AGFG1: variants seen among roughly 807,000 people sequenced by gnomAD.
AGFG1 encodes the protein ArfGAP with FG repeats 1.
Under a neutral mutation model 60.6 loss-of-function variants are expected in AGFG1, and 10 were observed. The observed-to-expected ratio is 0.16, with a 90% CI of 0.10 to 0.28. The LOEUF is 0.28. AGFG1 is among the 10% of genes least tolerant of loss of function. The pLI is 1.00. For synonymous variants in AGFG1, 247 were observed against 242.9 expected (o/e 1.02, Z -0.16); for missense variants, 537 against 676.5 (o/e 0.79, Z 2.29).
chr2:227,497,934 C>T (rs374994281), intron 2 of AGFG1, among the ~76,000 whole-genome samples: 26 of 151,722 alleles, frequency 1.7e-4, no homozygotes, highest in African/African-American at 5.6e-4. Context: ...CAAAAAAATC[C>T]GTGGTTTAGT....
At chr2:227,481,863 C>CT (rs769166509) in intron 1 of AGFG1, among the ~76,000 whole-genome samples, 5,597 of 117,540 alleles carry the variant, frequency 0.048, 311 homozygotes, top group African/African-American at 0.079. Context: ...TTGTCCACTA[C>CT]TTTTTTTTTT....
intron 2 of AGFG1, among the ~76,000 whole-genome samples, chr2:227,494,174 G>A (rs1351847043): frequency 6.6e-6 from 1 of 152,196 alleles, no homozygotes; most frequent in East Asian, 1.9e-4. Context: ...TGAGAGGTGT[G>A]TAGAGGGTGA....
chr2:227,500,436 C>G (rs1029515855), intron 2 of AGFG1, among the ~76,000 whole-genome samples: 1 of 152,146 alleles, frequency 6.6e-6, no homozygotes, highest in East Asian at 1.9e-4. Flanking sequence ...ACCAGCTTGT[C>G]TGCCTGCAGG....
chr2:227,485,044 A>G (rs1014180773), intron 1 of AGFG1, among the ~76,000 whole-genome samples: 2 of 151,738 alleles, frequency 1.3e-5, no homozygotes, highest in Middle Eastern at 3.4e-3. Flanking sequence ...TTATCTGAAG[A>G]TACTGTTATT....
At chr2:227,539,853 T>A (rs1290866673) in intron 10 of AGFG1, among the ~76,000 whole-genome samples, 3 of 152,144 alleles carry the variant, frequency 2.0e-5, no homozygotes, top group African/African-American at 7.2e-5. Context: ...TTGGTTTGTT[T>A]TAGACAGATT....
chr2:227,543,229 G>T (rs558097614), intron 10 of AGFG1, among the ~76,000 whole-genome samples: 1 of 151,688 alleles, frequency 6.6e-6, no homozygotes, highest in Non-Finnish European at 1.5e-5. Flanking sequence ...TGCTTCTCTA[G>T]TTCTTTTAAT....
At chr2:227,499,294 C>T (rs545896886) in intron 2 of AGFG1, among the ~76,000 whole-genome samples, 1 of 151,828 alleles carries the variant, frequency 6.6e-6, no homozygotes, top group South Asian at 2.1e-4. Context: ...CAGGTAATAT[C>T]CACACATCGA....
In AGFG1 at chr2:227,555,021, G is replaced by A. The variant is rs1454822541; in HGVS notation, c.*526G>A. On this transcript the variant is annotated 3_prime_UTR_variant, in exon 13 of 13. Coordinates refer to ENST00000310078, the MANE Select transcript of AGFG1 (RefSeq NM_004504.5). ...CTAAAGAGCTCTTCTATTTATACAT[G>A]CCTAAATTCTTTTAAAATGTAGAGG... 1 of 152,432 alleles carries A rather than the reference G, an allele frequency of 6.6e-6. No homozygotes were observed. Among genetic ancestry groups the A allele is most frequent in the Non-Finnish European group, 1.5e-5 (1 of 67,978 alleles). 9.4% of individuals were successfully genotyped at this position (152,432 alleles called of 1,614,324 possible). A position where few individuals can be genotyped will look rare whatever the true frequency, so the allele number is the denominator to read the frequency against.
intron 2 of AGFG1, among the ~76,000 whole-genome samples, chr2:227,504,562 A>G (rs1486617931): frequency 1.3e-5 from 2 of 152,230 alleles, no homozygotes; most frequent in Non-Finnish European, 2.9e-5. Context: ...TCATATTGTC[A>G]ACTATTAACA....
At chr2:227,548,153 A>G (rs912629296) in intron 10 of AGFG1, among the ~76,000 whole-genome samples, 3 of 151,030 alleles carry the variant, frequency 2.0e-5, no homozygotes, top group Non-Finnish European at 2.9e-5. Flanking sequence ...AAGTAGATCA[A>G]TGATTGCCAG....
At chr2:227,476,650 T>C (rs1690289003) in intron 1 of AGFG1, among the ~76,000 whole-genome samples, 1 of 152,182 alleles carries the variant, frequency 6.6e-6, no homozygotes, top group Non-Finnish European at 1.5e-5. Flanking sequence ...GTTACAAGAA[T>C]TTTAATTTTT....
chr2:227,504,717 A>C lies in AGFG1; in HGVS notation c.261+13077A>C, dbSNP rs540780156. ...TGATTTATTTAGAAGTAGTGGTTTAATTTTTACATATTTGAGGTTTTCCTA... is the reference window on the plus strand; with the variant it reads ...TGATTTATTTAGAAGTAGTGGTTTACTTTTTACATATTTGAGGTTTTCCTA... On this transcript the variant is annotated intron_variant, in intron 2 of 12. Coordinates refer to ENST00000310078, the MANE Select transcript of AGFG1 (RefSeq NM_004504.5). 9.8e-5 allele frequency among the ~76,000 whole-genome samples: 15 copies of C among 152,300 alleles called. No homozygotes were observed. The South Asian group carries it at 1.5e-3, about 15-fold the overall frequency.
At chr2:227,481,777 C>A (rs1219172022) in intron 1 of AGFG1, among the ~76,000 whole-genome samples, 2 of 151,346 alleles carry the variant, frequency 1.3e-5, no homozygotes, top group Non-Finnish European at 2.9e-5. Flanking sequence ...AACCCTCTGT[C>A]TCTTGTGGGT....
intron 2 of AGFG1, among the ~76,000 whole-genome samples, chr2:227,506,194 G>C (rs756420946): frequency 2.0e-5 from 3 of 152,094 alleles, no homozygotes; most frequent in Non-Finnish European, 2.9e-5. Context: ...AGTGCCTCTG[G>C]ATTCTGTTTT....
intron 5 of AGFG1, among the ~76,000 whole-genome samples, chr2:227,527,365 A>G (rs955923410): frequency 2.6e-5 from 4 of 152,238 alleles, no homozygotes; most frequent in African/African-American, 7.2e-5. Context: ...GTACATACGT[A>G]TACACATATA....
Position 227,558,369 on chromosome 2 carries a change from A to T in AGFG1, c.*3874A>T, listed in dbSNP as rs775195774. 3.3e-5 allele frequency: 5 copies of T among 151,964 alleles called. No individual in the cohort carries two copies. Among genetic ancestry groups the T allele is most frequent in the Non-Finnish European group, 5.9e-5 (4 of 67,976 alleles). The allele number at this position is 151,964 out of a possible 1,614,324, so 9.4% of individuals were successfully genotyped here. ...TCACTTGAATTCCTTTCATAATTTG[A>T]TGAAATCAGTACAGTTTATTCTTGG... On this transcript the variant is annotated 3_prime_UTR_variant, in exon 13 of 13. Transcript: ENST00000310078.
intron 1 of AGFG1, among the ~76,000 whole-genome samples, chr2:227,473,347 A>G (rs561965399): frequency 1.3e-5 from 2 of 152,240 alleles, no homozygotes; most frequent in Admixed American, 6.5e-5. Context: ...GGAAAGTTTT[A>G]ATGGCAATAA....
intron 5 of AGFG1, 32 bp downstream of exon 5, chr2:227,524,947 G>A (rs1340052513): frequency 6.2e-7 from 1 of 1,611,254 alleles, no homozygotes; most frequent in East Asian, 2.2e-5. Flanking sequence ...CTTTTGCTGG[G>A]GATGCATATA....
chr2:227,473,596 C>T (rs1047932386), intron 1 of AGFG1, among the ~76,000 whole-genome samples: 2 of 152,060 alleles, frequency 1.3e-5, no homozygotes, highest in East Asian at 1.9e-4. Context: ...CAATTTCATT[C>T]GGAAAATTTG....
Sources: allele counts gnomAD v4.1 joint callset (sites outside exome capture counted in the v4.1 genomes callset), GRCh38; gene constraint gnomAD v4.1.1; transcripts MANE v1.5; gene names NCBI Gene and HGNC (gene_info 2026-07-23, HGNC 2026-07-21).